The following ADCK5 variants were observed in gnomAD, a reference collection of about 807,000 sequenced individuals.
The protein encoded by ADCK5 is aarF domain containing kinase 5, also known as uncharacterized aarF domain-containing protein kinase 5.
A neutral mutation model predicts 64.9 loss-of-function variants in ADCK5; 43 were observed. That is an observed-to-expected ratio of 0.66 (90% CI 0.52 to 0.85). The LOEUF (loss-of-function observed/expected upper bound fraction) is 0.85. Among genes scored for constraint, ADCK5 ranks in the 40% least tolerant of loss-of-function variants. The pLI, the probability that ADCK5 is intolerant of heterozygous loss-of-function variation, is 0.00. For synonymous variants in ADCK5, 434 were observed against 342.8 expected, an observed-to-expected ratio of 1.27 and a Z score of -2.94; for missense variants, 760 against 810.5, an observed-to-expected ratio of 0.94 and a Z score of 0.76.
intron 1 of ADCK5, chr8:144,375,434 C>G (rs1454376749): frequency 1.0e-6 from 1 of 984,176 alleles, no homozygotes; most frequent in Admixed American, 6.2e-5. Context: ...GTTGGGTTCC[C>G]CAGGCTCTGG....
chr8:144,387,213 G>A (rs1819963393), intron 3 of ADCK5, among the ~76,000 whole-genome samples: 1 of 152,170 alleles, frequency 6.6e-6, no homozygotes, highest in African/African-American at 2.4e-5. Context: ...GTGTGGGTTT[G>A]TCTGATGTTT....
intron 4 of ADCK5, 30 bp downstream of exon 4, chr8:144,390,776 G>A: frequency 6.2e-7 from 1 of 1,611,580 alleles, no homozygotes. Context: ...GCACACAGTG[G>A]TGGGCATGAG....
At position 144,392,572 on chromosome 8, in the gene ADCK5, C is replaced by T. The variant is rs1820340974; in HGVS notation, c.1395C>T (p.Ala465=). The T allele has an allele frequency of 3.2e-6, 5 of 1,575,100 alleles. No individual in the cohort carries two copies. The highest frequency in any genetic ancestry group is 4.3e-6 in the Non-Finnish European group (5 of 1,166,010). ...ACATGGCCCGCGAGCGCTTCGAGGC[C>T]GTCATGGCGGTGCTCAGGGAGCTGC... The part of the protein sequence containing the change: ...MVDMARERFE[A]VMAVLRELPR... The change falls in exon 13 of 15, where the codon GCC becomes GCT. Residue 465 remains alanine, a synonymous_variant. Coordinates refer to ENST00000308860, the MANE Select transcript of ADCK5 (RefSeq NM_174922.5).
chr8:144,391,502 C>A, intron 7 of ADCK5, 28 bp downstream of exon 7: 2 of 1,596,856 alleles, frequency 1.3e-6, no homozygotes, highest in African/African-American at 2.7e-5. Flanking sequence ...CCCCGGCCAG[C>A]AGGAGCAAAC....
At chr8:144,386,484 A>G (rs1554859310) in intron 3 of ADCK5, among the ~76,000 whole-genome samples, 1 of 151,280 alleles carries the variant, frequency 6.6e-6, no homozygotes. Context: ...TAGCCTTCTG[A>G]GTAGCTGGAA....
chr8:144,375,417 C>T (rs1554856943), intron 1 of ADCK5: 3 of 961,416 alleles, frequency 3.1e-6, no homozygotes, highest in Non-Finnish European at 3.7e-6. Flanking sequence ...TTGAGGTGCA[C>T]AGTGCTGTTG....
intron 3 of ADCK5, among the ~76,000 whole-genome samples, chr8:144,389,751 C>G (rs902311806): frequency 2.0e-5 from 3 of 151,828 alleles, no homozygotes; most frequent in African/African-American, 7.3e-5. Flanking sequence ...AGGATGGCCT[C>G]AATCTCTTGA....
rs1169373199 is a variant in ADCK5 at position 144,374,055 on chromosome 8, A to C, written c.-41A>C. 9.6e-6 allele frequency: 12 copies of C among 1,245,108 alleles called. No individual in the cohort carries two copies. The highest frequency in any genetic ancestry group is 1.2e-5 in the Non-Finnish European group (12 of 988,218). The allele number at this position is 1,245,108 out of a possible 1,614,324, so 77.1% of individuals were successfully genotyped here. A position where few individuals can be genotyped will look rare whatever the true frequency, so the allele number is the denominator to read the frequency against. On this transcript the variant is annotated 5_prime_UTR_variant, in exon 1 of 15. Transcript: ENST00000308860. Reference sequence around the variant, plus strand: ...AGGGCCTGCTGGGCTGCGAGACGCTAAGCGGCGCCGGGCGGGAGAAGAGCG... The same window carrying C: ...AGGGCCTGCTGGGCTGCGAGACGCTCAGCGGCGCCGGGCGGGAGAAGAGCG...
At chr8:144,375,643 T>C (rs1168903618) in intron 1 of ADCK5, 1 of 985,308 alleles carries the variant, frequency 1.0e-6, no homozygotes, top group East Asian at 1.1e-4. Flanking sequence ...CCTGTGTGAG[T>C]GTTACCACTC....
chr8:144,393,157 C>T lies in ADCK5; in HGVS notation c.*83C>T, dbSNP rs530081948. The T allele has an allele frequency of 1.0e-4, 142 of 1,393,100 alleles. No homozygotes were observed. In the East Asian group the frequency reaches 3.1e-3, roughly 30 times the overall value. 86.3% of individuals were successfully genotyped at this position (1,393,100 alleles called of 1,614,324 possible). A position where few individuals can be genotyped will look rare whatever the true frequency, so the allele number is the denominator to read the frequency against. On this transcript the variant is annotated 3_prime_UTR_variant, in exon 15 of 15. Transcript: ENST00000308860. ...GGGCTAGAGGTGTAGACACCCCGAG[C>T]CCCGTGGGCACTCGCACTGGGGGGC...
At chr8:144,374,215 C>T in intron 1 of ADCK5, 108 bp downstream of exon 1, 1 of 1,111,306 alleles carries the variant, frequency 9.0e-7, no homozygotes, top group Non-Finnish European at 1.2e-6. Context: ...GGGCTTTTTC[C>T]CTCTTTTTTT....
intron 1 of ADCK5, among the ~76,000 whole-genome samples, chr8:144,378,100 C>A (rs1819446269): frequency 6.6e-6 from 1 of 152,156 alleles, no homozygotes; most frequent in East Asian, 1.9e-4. Context: ...GAGGCATCAG[C>A]CCTGGTTAAG....
chr8:144,390,990 T>C lies in ADCK5; in HGVS notation c.477T>C (p.Leu159=), dbSNP rs1820192167. The C allele has an allele frequency of 1.2e-6, 2 of 1,612,660 alleles. No homozygotes were observed. Among genetic ancestry groups the C allele is most frequent in the Admixed American group, 1.7e-5 (1 of 59,974 alleles). ...GQGLCSFNHL[L]PPEYTRTLRV... ...GGCTGTGCTCCTTCAACCACCTGCT[T>C]CCCCCCGAGTATACCCGGACCCTGC... The change falls in exon 5 of 15, where the codon CTT becomes CTC. Residue 159 remains leucine (L), a synonymous_variant. Transcript: ENST00000308860.
chr8:144,383,007 G>A, intron 2 of ADCK5, 74 bp from the exon 3 acceptor site: 1 of 1,540,082 alleles, frequency 6.5e-7, no homozygotes, highest in Non-Finnish European at 8.8e-7. Context: ...TGGTGCTGGG[G>A]GAGGTGGGGG....
Position 144,389,316 on chromosome 8 carries a change from C to A in ADCK5, c.267-1355C>A, listed in dbSNP as rs377324082. The A allele has an allele frequency of 6.2e-4, 282 of 456,650 alleles. 5 individuals carry two copies. Among genetic ancestry groups the A allele is most frequent in the South Asian group, 4.2e-3 (270 of 64,576 alleles). The allele number at this position is 456,650 out of a possible 1,614,324, so 28.3% of individuals were successfully genotyped here. On this transcript the variant is annotated intron_variant, in intron 3 of 14. Transcript: ENST00000308860. The stretch of plus-strand genomic sequence containing the variant: ...ACCCTCCTGGTGTCCTCCTCTCTTC[C>A]TAGTGGACCTCAGGCTGCAGGTGAC...
chr8:144,374,591 G>A (rs1414242034), intron 1 of ADCK5, among the ~76,000 whole-genome samples: 2 of 152,134 alleles, frequency 1.3e-5, no homozygotes, highest in Non-Finnish European at 2.9e-5. Flanking sequence ...AGAGGGCAGG[G>A]GCCCCGCGGG....
In ADCK5 at chr8:144,381,479, G is replaced by A. The variant is rs1819637078; in HGVS notation, c.117-1602G>A. 1.5e-5 allele frequency among the ~76,000 whole-genome samples: 2 copies of A among 134,834 alleles called. 1 individual carries two copies. The highest frequency in any genetic ancestry group is 6.0e-5 in the African/African-American group (2 of 33,222). 88.5% of individuals were successfully genotyped at this position (134,834 alleles called of 152,430 possible). Reference sequence around the variant, plus strand: ...CTGCCGCACTCAGGATTATGGGCTGGGTGTAGAATCAGATGTGTGCTCAGG... The same window carrying A: ...CTGCCGCACTCAGGATTATGGGCTGAGTGTAGAATCAGATGTGTGCTCAGG... On this transcript the variant is annotated intron_variant, in intron 2 of 14. Coordinates refer to ENST00000308860, the MANE Select transcript of ADCK5 (RefSeq NM_174922.5).
Position 144,391,582 on chromosome 8 carries a change from C to T in ADCK5, c.801C>T (p.Asp267=), listed in dbSNP as rs1820231989. 1 of 1,580,036 alleles carries T rather than the reference C, an allele frequency of 6.3e-7. No individual in the cohort carries two copies. Among genetic ancestry groups the T allele is most frequent in the South Asian group, 1.1e-5 (1 of 87,776 alleles). ...PSFGFSWVLQ[D]LKGTLAQELD... The stretch of plus-strand genomic sequence containing the variant: ...TTCAACCGCCATCTGGCCCCCAGGA[C>T]CTGAAGGGGACCCTGGCCCAGGAGC... The change falls in exon 8 of 15, where the codon GAC becomes GAT. Residue 267 remains aspartate, a splice_region_variant and synonymous_variant. Coordinates refer to ENST00000308860, the MANE Select transcript of ADCK5 (RefSeq NM_174922.5).
At chr8:144,379,588 C>T (rs543211958) in intron 2 of ADCK5, 98 bp downstream of exon 2, 2 of 1,016,108 alleles carry the variant, frequency 2.0e-6, no homozygotes, top group Admixed American at 2.7e-5. Flanking sequence ...AAGGCTGGAC[C>T]TTCTCCTGTA....
Sources: gnomAD v4.1 joint callset for allele counts (sites outside exome capture counted in the v4.1 genomes callset) on GRCh38, gnomAD v4.1.1 for gene constraint, MANE v1.5 for transcripts, NCBI Gene and HGNC (gene_info 2026-07-23, HGNC 2026-07-21) for gene names.